The following LIX1 variants were observed in gnomAD, a reference collection of about 807,000 sequenced individuals.
LIX1 encodes the protein limb and CNS expressed 1, also known as protein limb expression 1 homolog.
LIX1 carries 24 observed loss-of-function variants against 33.4 expected under a neutral mutation model. The ratio of observed to expected loss-of-function variants is 0.72; its 90% CI spans 0.52 to 1.01. LIX1 has a LOEUF of 1.01. LIX1 is among the 50% of genes least tolerant of loss of function. LIX1 has a pLI of 0.00. For synonymous variants in LIX1, 124 were observed against 124.0 expected (o/e 1.00, Z 0.00); for missense variants, 311 against 339.2 (o/e 0.92, Z 0.65).
intron 4 of LIX1, among the ~76,000 whole-genome samples, chr5:97,099,566 G>T (rs1055539287): frequency 6.6e-6 from 1 of 152,196 alleles, no homozygotes; most frequent in Non-Finnish European, 1.5e-5. Context: ...GGCCAGGTGT[G>T]GTGGCTTGTG....
chr5:97,114,181 C>T (rs1169341554), intron 2 of LIX1, among the ~76,000 whole-genome samples: 1 of 152,122 alleles, frequency 6.6e-6, no homozygotes, highest in Non-Finnish European at 1.5e-5. Context: ...ATTGATAACT[C>T]TTCAAGAGCA....
Position 97,094,932 on chromosome 5 carries a change from G to C in LIX1, c.665C>G (p.Ser222Cys), listed in dbSNP as rs1746294077. The C allele has an allele frequency of 1.2e-6, 2 of 1,614,188 alleles. No individual in the cohort carries two copies. Among genetic ancestry groups the C allele is most frequent in the Non-Finnish European group, 1.7e-6 (2 of 1,180,042 alleles). ...MKERDSPGIVSQELRMALRQL... is the reference protein window; with the variant it reads ...MKERDSPGIVCQELRMALRQL... ...CCTCAGGGCCATTCGTAGCTCTTGA[G>C]AGACAATTCCTGGTGAGTCCCGCTC... Residue 222 changes from serine to cysteine, a missense_variant, in exon 6 of 6, where the codon TCT (serine) becomes TGT (cysteine). Ser to Cys is a moderately radical substitution (Grantham distance 112, BLOSUM62 -1). Transcript: ENST00000274382.
At chr5:97,111,479 TTTA>T (rs1311340989) in intron 2 of LIX1, among the ~76,000 whole-genome samples, 1 of 152,170 alleles carries the variant, frequency 6.6e-6, no homozygotes, top group African/African-American at 2.4e-5. Context: ...GTAGGGTATG[TTTA>T]TTATTCTTTG....
At chr5:97,142,136 T>C (rs1231809431) in intron 1 of LIX1, among the ~76,000 whole-genome samples, 4 of 152,234 alleles carry the variant, frequency 2.6e-5, no homozygotes, top group Admixed American at 6.5e-5. Context: ...TTAACAAATA[T>C]TGATATATTC....
At chr5:97,132,885 G>A (rs1295299456) in intron 1 of LIX1, among the ~76,000 whole-genome samples, 2 of 152,204 alleles carry the variant, frequency 1.3e-5, no homozygotes, top group African/African-American at 2.4e-5. Context: ...TTAAGCAAAA[G>A]AGTGTTCCTT....
intron 4 of LIX1, among the ~76,000 whole-genome samples, chr5:97,100,893 GAAA>G (rs11358378): frequency 3.5e-5 from 4 of 114,114 alleles, no homozygotes; most frequent in African/African-American, 2.9e-5. Flanking sequence ...CTCTGTCTCA[GAAA>G]AAAAAAAAAA....
Position 97,141,054 on chromosome 5 carries a change from T to TA in LIX1, c.82+1440dup, listed in dbSNP as rs1748275372. On this transcript the variant is annotated intron_variant, in intron 1 of 5. Transcript: ENST00000274382. Reference sequence around the variant, plus strand: ...AACAATCGCAGCAATTTAGTTCAGCTAAAAAATGAGCTATACAGTTTCACA... The same window carrying TA: ...AACAATCGCAGCAATTTAGTTCAGCTAAAAAAATGAGCTATACAGTTTCACA... 3.9e-5 allele frequency among the ~76,000 whole-genome samples: 6 copies of TA among 152,334 alleles called. No homozygotes were observed. In the South Asian group the frequency reaches 1.2e-3, roughly 32 times the overall value.
At chr5:97,098,971 A>C (rs984665248) in intron 4 of LIX1, among the ~76,000 whole-genome samples, 2 of 152,212 alleles carry the variant, frequency 1.3e-5, no homozygotes, top group Non-Finnish European at 2.9e-5. Flanking sequence ...AGTTCACTGC[A>C]CAGTAAGTAC....
intron 2 of LIX1, among the ~76,000 whole-genome samples, chr5:97,119,567 A>T (rs992533475): frequency 6.6e-6 from 1 of 152,196 alleles, no homozygotes; most frequent in Non-Finnish European, 1.5e-5. Flanking sequence ...TTCAAAACAT[A>T]CTTGATTCAG....
intron 2 of LIX1, among the ~76,000 whole-genome samples, chr5:97,108,651 T>C (rs1263669847): frequency 1.3e-5 from 2 of 152,086 alleles, no homozygotes; most frequent in African/African-American, 4.8e-5. Flanking sequence ...GTCTAGGATC[T>C]TGGACTCCTA....
intron 4 of LIX1, chr5:97,101,647 G>A (rs1746704943): frequency 6.6e-6 from 1 of 152,150 alleles, no homozygotes; most frequent in Non-Finnish European, 1.5e-5. Context: ...ACAACAACGG[G>A]GCTCTGTCCT....
rs545102202 is a variant in LIX1, at chr5:97,093,288, G to T, written c.*1460C>A. ...ACTTTAATGTAATTATAATGGTTTT[G>T]CTTTCAGTGAAGCATGTATGCACTT... On this transcript the variant is annotated 3_prime_UTR_variant, in exon 6 of 6. Transcript: ENST00000274382. 6.6e-6 allele frequency: 1 copy of T among 152,296 alleles called. No homozygotes were observed. The highest frequency in any genetic ancestry group is 1.9e-4 in the East Asian group (1 of 5,244). The allele number at this position is 152,296 out of a possible 1,614,324, so 9.4% of individuals were successfully genotyped here. A position where few individuals can be genotyped will look rare whatever the true frequency, so the allele number is the denominator to read the frequency against.
intron 4 of LIX1, among the ~76,000 whole-genome samples, chr5:97,104,077 A>T (rs1029403937): frequency 6.6e-6 from 1 of 152,164 alleles, no homozygotes; most frequent in Non-Finnish European, 1.5e-5. Context: ...TTTTTTAATA[A>T]TGTGCATGGG....
At chr5:97,131,804 G>C (rs1342846339) in intron 1 of LIX1, among the ~76,000 whole-genome samples, 2 of 152,248 alleles carry the variant, frequency 1.3e-5, no homozygotes, top group African/African-American at 4.8e-5. Context: ...CCACAGCGTG[G>C]TCAGGACTTA....
In LIX1 at chr5:97,124,452, T is replaced by C. The variant is rs756308186; in HGVS notation, c.246+14A>G. The C allele has an allele frequency of 1.9e-6, 3 of 1,574,234 alleles. No individual in the cohort carries two copies. The highest frequency in any genetic ancestry group is 1.7e-6 in the Non-Finnish European group (2 of 1,158,304). ...CAATGAACTTTCACTGACAAATTAA[T>C]GGCTACTTCTTACCTGAAAGTTGCC... On this transcript the variant is annotated intron_variant, in intron 2 of 5. Coordinates refer to ENST00000274382, the MANE Select transcript of LIX1 (RefSeq NM_153234.5).
intron 5 of LIX1, among the ~76,000 whole-genome samples, chr5:97,096,369 G>T (rs1580196153): frequency 3.3e-5 from 5 of 152,194 alleles, no homozygotes; most frequent in Admixed American, 3.3e-4. Flanking sequence ...GTTTATTGGG[G>T]ACTTTTGGCA....
intron 2 of LIX1, among the ~76,000 whole-genome samples, chr5:97,110,499 C>T (rs1239405644): frequency 6.6e-6 from 1 of 152,040 alleles, no homozygotes; most frequent in Non-Finnish European, 1.5e-5. Flanking sequence ...AGTGCAATGG[C>T]GTGATCTTGG....
At chr5:97,098,890 G>A (rs577082873) in intron 4 of LIX1, among the ~76,000 whole-genome samples, 242 of 152,320 alleles carry the variant, frequency 1.6e-3, no homozygotes, top group Non-Finnish European at 2.0e-3. Flanking sequence ...CTTCTCTCAT[G>A]TCTAAAATTG....
At chr5:97,102,612 A>G (rs966501594) in intron 4 of LIX1, among the ~76,000 whole-genome samples, 8 of 152,212 alleles carry the variant, frequency 5.3e-5, no homozygotes, top group African/African-American at 1.9e-4. Context: ...TATTTCACAA[A>G]TTTAAATACC....
Sources: gnomAD v4.1 joint callset for allele counts (sites outside exome capture counted in the v4.1 genomes callset) on GRCh38, gnomAD v4.1.1 for gene constraint, MANE v1.5 for transcripts, NCBI Gene and HGNC (gene_info 2026-07-23, HGNC 2026-07-21) for gene names.